SDCCAG8: variants seen among roughly 807,000 people sequenced by gnomAD.
SDCCAG8 encodes SHH signaling and ciliogenesis regulator SDCCAG8, also known as serologically defined colon cancer antigen 8.
SDCCAG8 carries 74 observed loss-of-function variants against 101.8 expected under a neutral mutation model. The observed-to-expected ratio is 0.73, with a 90% CI of 0.60 to 0.88. SDCCAG8 has a LOEUF of 0.88. SDCCAG8 is among the 40% of genes least tolerant of loss of function. The pLI is 0.00. For missense variants in SDCCAG8, 787 were observed against 822.6 expected (o/e 0.96, Z 0.53); for synonymous variants, 281 against 292.9 (o/e 0.96, Z 0.41).
chr1:243,458,347 A>C lies in SDCCAG8; in HGVS notation c.1986-30667A>C, dbSNP rs1658262803. On this transcript the variant is annotated intron_variant, in intron 16 of 17. Coordinates refer to ENST00000366541, the MANE Select transcript of SDCCAG8 (RefSeq NM_006642.5). The surrounding 1 kb of genome is among the most constrained non-coding windows in gnomAD (Gnocchi z 4.5). ...TTAAGCTTCTTGCTACCATGTAAAA[A>C]TTTCCTGACACCTCTTGCAATAATA... is the stretch of plus-strand genomic sequence containing the variant. Among the ~76,000 whole-genome samples the C allele has an allele frequency of 6.6e-6, 1 of 152,038 alleles. No homozygotes were observed. Among genetic ancestry groups the C allele is most frequent in the South Asian group, 2.1e-4 (1 of 4,828 alleles).
chr1:243,283,696 C>T (rs1236430525), intron 4 of SDCCAG8, among the ~76,000 whole-genome samples: 1 of 152,038 alleles, frequency 6.6e-6, no homozygotes, highest in Non-Finnish European at 1.5e-5. Context: ...TGCATATAGT[C>T]TATTTTTTCT....
chr1:243,452,576 A>G (rs11799593), intron 16 of SDCCAG8, among the ~76,000 whole-genome samples: 6,291 of 151,420 alleles, frequency 0.042, 268 homozygotes, highest in African/African-American at 0.11. Flanking sequence ...AGTGTGCACT[A>G]TCACACCTGG....
intron 15 of SDCCAG8, among the ~76,000 whole-genome samples, chr1:243,426,194 T>C (rs1177980061): frequency 6.6e-6 from 1 of 150,706 alleles, no homozygotes; most frequent in Non-Finnish European, 1.5e-5. Flanking sequence ...GTCTTATTCC[T>C]TAGGGAAGCC....
intron 10 of SDCCAG8, among the ~76,000 whole-genome samples, chr1:243,337,305 A>G (rs1472445341): frequency 2.0e-5 from 3 of 152,320 alleles, no homozygotes; most frequent in African/African-American, 7.2e-5. Flanking sequence ...TTTGTCAAAG[A>G]TCAGATGGCT....
chr1:243,385,461 G>A (rs973974986), intron 13 of SDCCAG8, among the ~76,000 whole-genome samples: 27 of 152,106 alleles, frequency 1.8e-4, no homozygotes, highest in African/African-American at 6.3e-4. Flanking sequence ...AGATCCAGAA[G>A]GGAGGTTCTA....
chr1:243,267,739 T>G (rs2067743677), intron 1 of SDCCAG8: 1 of 801,298 alleles, frequency 1.2e-6, no homozygotes, highest in Non-Finnish European at 2.3e-6. Context: ...GTTCAAATCT[T>G]GGATCCTTGG....
intron 16 of SDCCAG8, among the ~76,000 whole-genome samples, chr1:243,452,409 C>CT: frequency 8.3e-6 from 1 of 121,034 alleles, no homozygotes; most frequent in Non-Finnish European, 1.7e-5. Context: ...GAGATGATCT[C>CT]ATCTCTTTTT....
intron 16 of SDCCAG8, among the ~76,000 whole-genome samples, chr1:243,453,854 A>C (rs1369010621): frequency 1.3e-5 from 2 of 152,216 alleles, no homozygotes; most frequent in African/African-American, 4.8e-5. Context: ...CAGCACATAA[A>C]ATAAGATGTT....
At chr1:243,430,613 T>C (rs2081671572) in intron 16 of SDCCAG8, among the ~76,000 whole-genome samples, 1 of 151,770 alleles carries the variant, frequency 6.6e-6, no homozygotes, top group Non-Finnish European at 1.5e-5. Flanking sequence ...TAATTTTTTG[T>C]ATTTTTAGTA....
chr1:243,492,604 G>GTTTTTTTTTTTTTTTTTTT (rs74162289), intron 17 of SDCCAG8, among the ~76,000 whole-genome samples: 1 of 58,876 alleles, frequency 1.7e-5, no homozygotes, highest in Non-Finnish European at 3.0e-5. Flanking sequence ...GCGCCCAGCT[G>GTTTTTTTTTTTTTTTTTTT]TTTTTTTTTT....
At chr1:243,385,869 C>T (rs1377185296) in intron 13 of SDCCAG8, among the ~76,000 whole-genome samples, 6 of 152,080 alleles carry the variant, frequency 3.9e-5, no homozygotes, top group South Asian at 4.2e-4. Flanking sequence ...CTCGGGAGGC[C>T]GAGGCTCAAG....
intron 12 of SDCCAG8, among the ~76,000 whole-genome samples, chr1:243,359,629 G>T (rs2076582129): frequency 6.6e-6 from 1 of 152,176 alleles, no homozygotes; most frequent in Non-Finnish European, 1.5e-5. Flanking sequence ...CCACAAAACT[G>T]AAATGACATG....
chr1:243,327,357 T>TAATTATAATTTTATAGAAATTAAAATTAA, intron 9 of SDCCAG8, among the ~76,000 whole-genome samples: 1 of 146,256 alleles, frequency 6.8e-6, no homozygotes, highest in East Asian at 1.9e-4. Context: ...ATTAAAATTA[T>TAATTATAATTTTATAGAAATTAAAATTAA]AATTATAATT....
intron 13 of SDCCAG8, among the ~76,000 whole-genome samples, chr1:243,410,952 C>T (rs945285768): frequency 1.3e-5 from 2 of 152,042 alleles, no homozygotes; most frequent in Non-Finnish European, 2.9e-5. Flanking sequence ...TGTTTGAGGC[C>T]TAGCCAGTAC....
intron 6 of SDCCAG8, among the ~76,000 whole-genome samples, chr1:243,294,506 C>CGAGAGAGAGAGAGAGAGAGAGA (rs74162272): frequency 0.014 from 1,492 of 105,852 alleles, 96 homozygotes; most frequent in South Asian, 0.032. Context: ...AGAGAAAGAG[C>CGAGAGAGAGAGAGAGAGAGAGA]GAGAGAGAGA....
At chr1:243,376,114 A>G (rs993684663) in intron 12 of SDCCAG8, among the ~76,000 whole-genome samples, 2 of 152,128 alleles carry the variant, frequency 1.3e-5, no homozygotes. Context: ...TTAAATTGAG[A>G]ACTCTTTAGA....
chr1:243,489,205 G>A, intron 17 of SDCCAG8, 65 bp downstream of exon 17: 2 of 1,581,922 alleles, frequency 1.3e-6, no homozygotes, highest in Non-Finnish European at 1.7e-6. Context: ...GATCTTTTAT[G>A]CACCTCAACA....
At chr1:243,417,559 G>A (rs973761841) in intron 14 of SDCCAG8, among the ~76,000 whole-genome samples, 2 of 152,150 alleles carry the variant, frequency 1.3e-5, no homozygotes, top group Admixed American at 1.3e-4. Flanking sequence ...CAGTGTAGAA[G>A]AGAATTCCTC....
intron 11 of SDCCAG8, among the ~76,000 whole-genome samples, chr1:243,342,902 C>T (rs2075463421): frequency 6.6e-6 from 1 of 152,278 alleles, no homozygotes; most frequent in Non-Finnish European, 1.5e-5. Context: ...TGTCTTGTCA[C>T]TATAGCTTTT....
Sources: allele counts gnomAD v4.1 joint callset (sites outside exome capture counted in the v4.1 genomes callset), GRCh38; gene constraint gnomAD v4.1.1; non-coding constraint Gnocchi (gnomAD v3.1); transcripts MANE v1.5; gene names NCBI Gene and HGNC (gene_info 2026-07-23, HGNC 2026-07-21).